Variants in YEATS4 observed in about 807,000 individuals in gnomAD.
The protein encoded by YEATS4 is YEATS domain containing 4, also known as YEATS domain-containing protein 4.
A neutral mutation model predicts 30.1 loss-of-function variants in YEATS4; 17 were observed. The observed-to-expected ratio is 0.56, with a 90% CI of 0.39 to 0.85. The LOEUF (loss-of-function observed/expected upper bound fraction) is 0.85, where lower values mean the gene tolerates loss of function less well. Ranked by LOEUF, YEATS4 falls within the 40% of genes least tolerant of loss-of-function variation. YEATS4 has a pLI of 0.00. For synonymous variants in YEATS4, 85 were observed against 87.5 expected (o/e 0.97, Z 0.16); for missense variants, 142 against 268.3 (o/e 0.53, Z 3.29).
chr12:69,402,337 GT>G, the YEATS4 span, among the ~76,000 whole-genome samples: 100,340 of 151,958 alleles, frequency 0.66, 33,344 homozygotes, highest in East Asian at 0.81. Flanking sequence ...GGGGCCATTC[GT>G]TGTGGGCCTA....
chr12:69,364,245 G>T (rs779196916), intron 2 of YEATS4: 5 of 433,700 alleles, frequency 1.2e-5, no homozygotes, highest in South Asian at 8.1e-5. Context: ...TTGAGCCCAG[G>T]AGTTTGAGAC....
chr12:69,411,753 G>A, the YEATS4 span, among the ~76,000 whole-genome samples: 1 of 152,184 alleles, frequency 6.6e-6, no homozygotes, highest in African/African-American at 2.4e-5. Context: ...TTTTCTTTGG[G>A]AATAATGGTC....
chr12:69,393,879 A>G (rs1868333566), downstream of YEATS4, among the ~76,000 whole-genome samples: 1 of 152,232 alleles, frequency 6.6e-6, no homozygotes, highest in Non-Finnish European at 1.5e-5. Flanking sequence ...TTCTCCCTGA[A>G]GTCAACTGAT....
intron 4 of YEATS4, among the ~76,000 whole-genome samples, chr12:69,367,711 A>G (rs1875492116): frequency 6.6e-6 from 1 of 152,202 alleles, no homozygotes. Context: ...GATATTGTTT[A>G]AGGGATTGAG....
the YEATS4 span, among the ~76,000 whole-genome samples, chr12:69,424,896 G>C: frequency 6.6e-6 from 1 of 151,958 alleles, no homozygotes; most frequent in African/African-American, 2.4e-5. Context: ...AAAGTCCCAG[G>C]GTCTTAGTAT....
intron 6 of YEATS4, among the ~76,000 whole-genome samples, chr12:69,377,352 C>G (rs1223502120): frequency 6.6e-6 from 1 of 152,118 alleles, no homozygotes; most frequent in Non-Finnish European, 1.5e-5. Flanking sequence ...TGTGTTGTTT[C>G]CATTATCTGT....
chr12:69,371,493 C>T (rs767158606), intron 6 of YEATS4, among the ~76,000 whole-genome samples: 16 of 152,168 alleles, frequency 1.1e-4, no homozygotes, highest in South Asian at 8.3e-4. Context: ...GAATTCTGTA[C>T]GCATTAATCT....
chr12:69,420,315 T>C, the YEATS4 span, among the ~76,000 whole-genome samples: 3 of 151,870 alleles, frequency 2.0e-5, no homozygotes, highest in Non-Finnish European at 2.9e-5. Context: ...GAAGAAATGC[T>C]GTGGAGGTCA....
intron 6 of YEATS4, among the ~76,000 whole-genome samples, chr12:69,376,412 G>A (rs1202680432): frequency 6.6e-6 from 1 of 152,058 alleles, no homozygotes; most frequent in Non-Finnish European, 1.5e-5. Context: ...TACAAACAAG[G>A]CTAATTTGAC....
At chr12:69,383,183 G>A (rs12319107) in intron 6 of YEATS4, among the ~76,000 whole-genome samples, 1,872 of 152,222 alleles carry the variant, frequency 0.012, 22 homozygotes, top group African/African-American at 0.03. Context: ...GGGATTACTT[G>A]AGCCCAGGAG....
intron 6 of YEATS4, among the ~76,000 whole-genome samples, chr12:69,373,131 G>T (rs1169610634): frequency 6.6e-6 from 1 of 152,154 alleles, no homozygotes; most frequent in Non-Finnish European, 1.5e-5. Context: ...TTGATATACT[G>T]ACTTATTTTC....
At chr12:69,360,635 T>C (rs1875161634) in intron 1 of YEATS4, among the ~76,000 whole-genome samples, 1 of 151,140 alleles carries the variant, frequency 6.6e-6, no homozygotes, top group South Asian at 2.1e-4. Context: ...CATTGTAATA[T>C]TTATTTCCCT....
the YEATS4 span, among the ~76,000 whole-genome samples, chr12:69,423,532 C>A: frequency 6.6e-6 from 1 of 152,184 alleles, no homozygotes; most frequent in African/African-American, 2.4e-5. Flanking sequence ...GAAGGAGCAA[C>A]AAGCATGGGG....
the YEATS4 span, among the ~76,000 whole-genome samples, chr12:69,421,592 T>C: frequency 6.6e-6 from 1 of 152,142 alleles, no homozygotes; most frequent in Non-Finnish European, 1.5e-5. Context: ...ACAATGGAGA[T>C]GGAGCAAACA....
chr12:69,417,154 A>ATTTT, the YEATS4 span, among the ~76,000 whole-genome samples: 3 of 68,130 alleles, frequency 4.4e-5, no homozygotes, highest in Non-Finnish European at 9.8e-5. Flanking sequence ...TTTTTTAAAA[A>ATTTT]TTTTTTTTTT....
At chr12:69,413,235 A>T in the YEATS4 span, among the ~76,000 whole-genome samples, 1 of 151,872 alleles carries the variant, frequency 6.6e-6, no homozygotes, top group African/African-American at 2.4e-5. Context: ...CAACAGAGTG[A>T]GACTTTGTCT....
the YEATS4 span, among the ~76,000 whole-genome samples, chr12:69,402,338 T>C: frequency 5.5e-5 from 1 of 18,086 alleles, no homozygotes; most frequent in African/African-American, 1.4e-4. Context: ...GGGCCATTCG[T>C]TGTGGGCCTA....
intron 6 of YEATS4, among the ~76,000 whole-genome samples, chr12:69,376,510 A>C (rs1875880690): frequency 6.6e-6 from 1 of 152,260 alleles, no homozygotes; most frequent in South Asian, 2.1e-4. Flanking sequence ...ATGAGGTATC[A>C]CATTGATTTG....
intron 6 of YEATS4, among the ~76,000 whole-genome samples, chr12:69,375,071 C>G (rs910991120): frequency 6.6e-6 from 1 of 150,498 alleles, no homozygotes; most frequent in Non-Finnish European, 1.5e-5. Flanking sequence ...CCGGAGGGGG[C>G]GGCTGCCGGG....
Sources: allele counts gnomAD v4.1 joint callset (sites outside exome capture counted in the v4.1 genomes callset), GRCh38; gene constraint gnomAD v4.1.1; transcripts MANE v1.5; gene names NCBI Gene and HGNC (gene_info 2026-07-23, HGNC 2026-07-21).